Variants in CLASP2 observed in about 807,000 individuals in gnomAD.
CLASP2 encodes the protein cytoplasmic linker associated protein 2, also known as CLIP-associating protein 2.
A neutral mutation model predicts 194.4 loss-of-function variants in CLASP2; 47 were observed. That is an observed-to-expected ratio of 0.24 (90% CI 0.19 to 0.31). The LOEUF (loss-of-function observed/expected upper bound fraction) is 0.31. CLASP2 is among the 10% of genes least tolerant of loss of function. The pLI, the probability that CLASP2 is intolerant of heterozygous loss-of-function variation, is 1.00. For missense variants in CLASP2, 1,445 were observed against 1,823.6 expected (o/e 0.79, Z 3.78); for synonymous variants, 619 against 633.5 (o/e 0.98, Z 0.34).
chr3:33,639,971 C>T (rs1006350787), intron 8 of CLASP2, among the ~76,000 whole-genome samples: 5 of 152,296 alleles, frequency 3.3e-5, no homozygotes, highest in East Asian at 3.9e-4. Context: ...TGATCTTGGG[C>T]ACATCATTCA....
At chr3:33,692,606 T>C (rs774864506) in intron 2 of CLASP2, among the ~76,000 whole-genome samples, 1 of 152,190 alleles carries the variant, frequency 6.6e-6, no homozygotes, top group Non-Finnish European at 1.5e-5. Context: ...ACTTCAAAGT[T>C]TCCTTGTCTG....
At chr3:33,617,802 T>G (rs1230704082) in intron 12 of CLASP2, among the ~76,000 whole-genome samples, 1 of 151,464 alleles carries the variant, frequency 6.6e-6, no homozygotes, top group Non-Finnish European at 1.5e-5. Context: ...CAAAGTAGAA[T>G]ATGAAATAAT....
chr3:33,671,233 C>T (rs551112768), intron 6 of CLASP2, among the ~76,000 whole-genome samples: 4 of 152,126 alleles, frequency 2.6e-5, no homozygotes, highest in African/African-American at 9.7e-5. Flanking sequence ...GACCTACTCA[C>T]AGGACTACAG....
chr3:33,573,287 G>A lies in CLASP2; in HGVS notation c.2522C>T (p.Ala841Val), dbSNP rs775193571. 2 of 1,613,790 alleles carry A rather than the reference G, an allele frequency of 1.2e-6. No individual in the cohort carries two copies. Among genetic ancestry groups the A allele is most frequent in the Non-Finnish European group, 8.5e-7 (1 of 1,179,770 alleles). Residue 841 changes from alanine to valine, a missense_variant, in exon 25 of 39, where the codon GCA becomes GTA. By Grantham distance (64) the Ala-to-Val change is moderately conservative. Around this residue, in one of 4 missense-constraint regions of CLASP2, gnomAD observed 732 missense variants for 987.9 expected, o/e 0.74. Transcript: ENST00000682230. Reference sequence around the variant, plus strand: ...GGAGCGTTCTGAACAAGCACTAGATGCATCGCTGTTGGCGTCATCATCTGA... The same window carrying A: ...GGAGCGTTCTGAACAAGCACTAGATACATCGCTGTTGGCGTCATCATCTGA... The part of the protein sequence containing the change: ...MHSDDDANSD[A>V]SSACSERSYS...
intron 34 of CLASP2, among the ~76,000 whole-genome samples, chr3:33,529,782 C>G (rs761922132): frequency 2.6e-5 from 4 of 151,758 alleles, no homozygotes; most frequent in Non-Finnish European, 5.9e-5. Flanking sequence ...GAGATCGAGA[C>G]CATCCTGGCT....
rs185673113 is a variant in CLASP2, at chr3:33,560,386, G to T, written c.2930+422C>A. ...GCCTCTGGAGTAGCTGAGATTACAG[G>T]TGCCTGCCACCATGCCTGGCTAATT... is the stretch of plus-strand genomic sequence containing the variant. On this transcript the variant is annotated intron_variant, in intron 28 of 38. Transcript: ENST00000682230. 3.6e-3 allele frequency among the ~76,000 whole-genome samples: 552 copies of T among 152,038 alleles called. 3 individuals carry two copies. Among genetic ancestry groups the T allele is most frequent in the African/African-American group, 0.01 (427 of 41,444 alleles).
rs972042274 is a variant in CLASP2, at chr3:33,497,070, A to G, written c.*1561T>C. The G allele has an allele frequency of 1.3e-5, 2 of 152,752 alleles. No individual in the cohort carries two copies. Among genetic ancestry groups the G allele is most frequent in the Middle Eastern group, 3.4e-3 (1 of 294 alleles). 9.5% of individuals were successfully genotyped at this position (152,752 alleles called of 1,614,324 possible). On this transcript the variant is annotated 3_prime_UTR_variant, in exon 39 of 39. Transcript: ENST00000682230. ...GTAAGCATAGAACTATAAATACACAATGTAATTAACAGTAGAAAACAAAAT... is the reference window on the plus strand; with the variant it reads ...GTAAGCATAGAACTATAAATACACAGTGTAATTAACAGTAGAAAACAAAAT...
chr3:33,710,033 G>C (rs992488289), intron 1 of CLASP2, among the ~76,000 whole-genome samples: 12 of 152,184 alleles, frequency 7.9e-5, no homozygotes, highest in African/African-American at 2.9e-4. Context: ...TGTGATTTGT[G>C]ACACAGTGAT....
chr3:33,708,486 GTATGTATATATATATATATGTATATA>G (rs1198174087), intron 1 of CLASP2, among the ~76,000 whole-genome samples: 4 of 18,176 alleles, frequency 2.2e-4, no homozygotes, highest in African/African-American at 4.9e-4. Flanking sequence ...GTGTGTGTGT[GTATGTATATATATATATATGTATATA>G]TATGTATATA....
intron 29 of CLASP2, among the ~76,000 whole-genome samples, chr3:33,551,729 T>C (rs577722145): frequency 2.0e-5 from 3 of 152,242 alleles, no homozygotes; most frequent in Non-Finnish European, 4.4e-5. Flanking sequence ...GGTGTTTCAT[T>C]CCCCAAGTTT....
chr3:33,612,123 C>T, intron 12 of CLASP2, 52 bp from the exon 13 acceptor site: 2 of 1,134,004 alleles, frequency 1.8e-6, no homozygotes, highest in Admixed American at 2.0e-5. Context: ...TTCATGTGGT[C>T]CTTTCTTCTA....
chr3:33,680,759 C>T (rs997207973), intron 6 of CLASP2, among the ~76,000 whole-genome samples: 2 of 151,884 alleles, frequency 1.3e-5, no homozygotes, highest in Non-Finnish European at 2.9e-5. Context: ...TGCAGTGAAC[C>T]GTGGTCACGC....
intron 7 of CLASP2, among the ~76,000 whole-genome samples, chr3:33,654,429 C>T (rs183222980): frequency 5.9e-4 from 90 of 152,128 alleles, no homozygotes; most frequent in African/African-American, 2.0e-3. Context: ...AAGGATATCT[C>T]CCAGAATATA....
intron 7 of CLASP2, among the ~76,000 whole-genome samples, chr3:33,650,638 G>A (rs754369274): frequency 6.6e-6 from 1 of 152,090 alleles, no homozygotes; most frequent in Non-Finnish European, 1.5e-5. Context: ...GGAGGAGGCA[G>A]GAGAGGGAGA....
intron 4 of CLASP2, among the ~76,000 whole-genome samples, chr3:33,687,912 G>A (rs997325837): frequency 2.2e-4 from 33 of 152,150 alleles, no homozygotes; most frequent in African/African-American, 7.7e-4. Flanking sequence ...CTAGGGGTAG[G>A]GTGGGGATGG....
At chr3:33,618,168 G>A (rs912308219) in intron 12 of CLASP2, among the ~76,000 whole-genome samples, 2 of 151,628 alleles carry the variant, frequency 1.3e-5, no homozygotes, top group African/African-American at 2.4e-5. Context: ...GGCTGGTCTC[G>A]AACTACTGAC....
At chr3:33,618,639 T>G (rs915784334) in intron 12 of CLASP2, among the ~76,000 whole-genome samples, 2 of 151,804 alleles carry the variant, frequency 1.3e-5, no homozygotes, top group African/African-American at 4.8e-5. Context: ...AGAGTGAGAC[T>G]CTATCTCAAA....
intron 29 of CLASP2, among the ~76,000 whole-genome samples, chr3:33,556,934 C>T (rs549144862): frequency 1.3e-5 from 2 of 152,158 alleles, no homozygotes; most frequent in African/African-American, 4.8e-5. Context: ...AAGTCTCCTG[C>T]AACTTATTCT....
At chr3:33,691,209 G>A (rs1203710189) in intron 2 of CLASP2, among the ~76,000 whole-genome samples, 1 of 152,116 alleles carries the variant, frequency 6.6e-6, no homozygotes, top group Non-Finnish European at 1.5e-5. Flanking sequence ...GATAATGGGG[G>A]ACTACTACAT....
Sources: allele counts gnomAD v4.1 joint callset (sites outside exome capture counted in the v4.1 genomes callset), GRCh38; gene constraint gnomAD v4.1.1; regional missense constraint gnomAD v4.1.1; transcripts MANE v1.5; gene names NCBI Gene and HGNC (gene_info 2026-07-23, HGNC 2026-07-21).